SHROOM2: variants seen among roughly 807,000 people sequenced by gnomAD.
SHROOM2 encodes protein Shroom2.
A neutral mutation model predicts 75.9 loss-of-function variants in SHROOM2; 33 were observed. The observed-to-expected ratio is 0.43, with a 90% CI of 0.33 to 0.58. The LOEUF is 0.58. Among genes scored for constraint, SHROOM2 ranks in the 20% least tolerant of loss-of-function variants. The pLI is 0.04. For synonymous variants in SHROOM2, 655 were observed against 663.6 expected (o/e 0.99, Z 0.20); for missense variants, 1,434 against 1,461.2 (o/e 0.98, Z 0.30).
At chrX:9,943,318 T>C (rs1483694089) in intron 8 of SHROOM2, among the ~76,000 whole-genome samples, 3 of 111,156 alleles carry the variant, frequency 2.7e-5, no homozygotes, top group African/African-American at 9.8e-5. Context: ...ATCTGGCACA[T>C]GTTTCTCCTG....
intron 1 of SHROOM2, among the ~76,000 whole-genome samples, chrX:9,795,282 G>A (rs1251958138): frequency 9.0e-6 from 1 of 110,516 alleles, no homozygotes; most frequent in Non-Finnish European, 1.9e-5. Context: ...GTACCACTAT[G>A]CCCAGCTCTC....
chrX:9,836,174 G>A (rs1054578823), intron 1 of SHROOM2, among the ~76,000 whole-genome samples: 3 of 112,231 alleles, frequency 2.7e-5, no homozygotes, highest in African/African-American at 6.5e-5. Context: ...GCACGGTGCA[G>A]TGGGGAGTGG....
chrX:9,920,018 C>T (rs66812941), intron 5 of SHROOM2, among the ~76,000 whole-genome samples: 96 of 95,495 alleles, frequency 1.0e-3, no homozygotes, highest in African/African-American at 1.7e-3. Flanking sequence ...CATCTCAACT[C>T]ACTATAACTC....
At chrX:9,790,765 T>G (rs1601904566) in intron 1 of SHROOM2, among the ~76,000 whole-genome samples, 1 of 111,936 alleles carries the variant, frequency 8.9e-6, no homozygotes, top group East Asian at 2.8e-4. Flanking sequence ...CCCTTTCAGT[T>G]GGTAGGCCCG....
At chrX:9,854,753 G>A (rs1403814902) in intron 1 of SHROOM2, among the ~76,000 whole-genome samples, 1 of 111,454 alleles carries the variant, frequency 9.0e-6, no homozygotes, top group Non-Finnish European at 1.9e-5. Flanking sequence ...GAGCAACACA[G>A]GATGGCCATA....
chrX:9,913,728 G>A (rs190142259), intron 5 of SHROOM2, among the ~76,000 whole-genome samples: 4 of 112,036 alleles, frequency 3.6e-5, no homozygotes, highest in Admixed American at 9.5e-5. Context: ...TTTGAAGAAA[G>A]GTTTTTGGAA....
At chrX:9,819,929 G>C (rs977858044) in intron 1 of SHROOM2, among the ~76,000 whole-genome samples, 3 of 108,622 alleles carry the variant, frequency 2.8e-5, no homozygotes, top group Non-Finnish European at 5.7e-5. Context: ...GAGTAGCTGG[G>C]ACTACAGGCA....
intron 1 of SHROOM2, among the ~76,000 whole-genome samples, chrX:9,826,745 C>T (rs1164277741): frequency 9.0e-6 from 1 of 111,344 alleles, no homozygotes; most frequent in African/African-American, 3.3e-5. Flanking sequence ...CTCTGCACTC[C>T]GTCCAGGGCG....
chrX:9,865,630 G>A (rs989942382), intron 1 of SHROOM2: 1 of 87,959 alleles, frequency 1.1e-5, no homozygotes, highest in African/African-American at 4.6e-5. Context: ...GCTCCATCTC[G>A]ACTCACTGCA....
At chrX:9,936,927 G>T (rs755965067) in intron 6 of SHROOM2, among the ~76,000 whole-genome samples, 1 of 111,606 alleles carries the variant, frequency 9.0e-6, no homozygotes, top group African/African-American at 3.3e-5. Flanking sequence ...GGATGCTGTG[G>T]TTGGAAGGCG....
chrX:9,931,505 G>A (rs192893768), intron 5 of SHROOM2, among the ~76,000 whole-genome samples: 2 of 111,063 alleles, frequency 1.8e-5, no homozygotes, highest in Admixed American at 9.6e-5. Flanking sequence ...AAGTTAGCCA[G>A]GCATGGTGGT....
intron 8 of SHROOM2, among the ~76,000 whole-genome samples, chrX:9,943,697 G>A (rs2084791670): frequency 9.0e-6 from 1 of 111,429 alleles, no homozygotes; most frequent in South Asian, 3.7e-4. Flanking sequence ...AAGATGGCAA[G>A]CTTTATGTTA....
intron 2 of SHROOM2, among the ~76,000 whole-genome samples, chrX:9,874,913 T>A (rs1411166726): frequency 9.5e-6 from 1 of 104,729 alleles, no homozygotes; most frequent in Non-Finnish European, 2.0e-5. Context: ...CATCTCTCTC[T>A]CAAAAAATTT....
intron 3 of SHROOM2, among the ~76,000 whole-genome samples, chrX:9,892,938 A>G (rs1168156727): frequency 8.9e-6 from 1 of 112,224 alleles, no homozygotes; most frequent in African/African-American, 3.2e-5. Context: ...TCAGTCACAC[A>G]CAGTTATTAC....
chrX:9,921,693 A>G (rs777943893), intron 5 of SHROOM2, among the ~76,000 whole-genome samples: 4 of 112,129 alleles, frequency 3.6e-5, no homozygotes, highest in Non-Finnish European at 5.6e-5. Flanking sequence ...AAGTGGGACC[A>G]TGTAGCACTT....
At chrX:9,816,960 G>A (rs2083825940) in intron 1 of SHROOM2, among the ~76,000 whole-genome samples, 1 of 111,228 alleles carries the variant, frequency 9.0e-6, no homozygotes, top group Non-Finnish European at 1.9e-5. Flanking sequence ...AAGGTTTTCT[G>A]TTGAATATTT....
intron 1 of SHROOM2, among the ~76,000 whole-genome samples, chrX:9,827,924 G>A (rs1177946458): frequency 8.9e-6 from 1 of 112,260 alleles, no homozygotes; most frequent in East Asian, 2.8e-4. Context: ...CCCATCAGCA[G>A]CATCAGCTTC....
At chrX:9,892,404 T>G (rs767457548) in intron 3 of SHROOM2, among the ~76,000 whole-genome samples, 8 of 109,135 alleles carry the variant, frequency 7.3e-5, no homozygotes, top group African/African-American at 1.0e-4. Flanking sequence ...GTGTATTTTT[T>G]GGGGAAAAAA....
At chrX:9,815,564 T>TC (rs1368155555) in intron 1 of SHROOM2, among the ~76,000 whole-genome samples, 1 of 98,939 alleles carries the variant, frequency 1.0e-5, no homozygotes, top group Non-Finnish European at 2.0e-5. Context: ...CTATCCTATA[T>TC]CTATATCCTA....
Sources: allele counts gnomAD v4.1 joint callset (sites outside exome capture counted in the v4.1 genomes callset), GRCh38; gene constraint gnomAD v4.1.1; transcripts MANE v1.5; gene names NCBI Gene and HGNC (gene_info 2026-07-23, HGNC 2026-07-21).